The following NKAIN3 variants were observed in gnomAD, a reference collection of about 807,000 sequenced individuals.
NKAIN3 encodes sodium/potassium transporting ATPase interacting 3, also known as sodium/potassium-transporting ATPase subunit beta-1-interacting protein 3.
NKAIN3 carries 25 observed loss-of-function variants against 30.2 expected under a neutral mutation model. The ratio of observed to expected loss-of-function variants is 0.83; its 90% CI spans 0.60 to 1.16. The LOEUF (loss-of-function observed/expected upper bound fraction) is 1.16. Among genes scored for constraint, NKAIN3 ranks in the 50% most tolerant of loss-of-function variants. The pLI is 0.00. For missense variants in NKAIN3, 225 were observed against 254.1 expected, an observed-to-expected ratio of 0.89 and a Z score of 0.78; for synonymous variants, 91 against 89.6, an observed-to-expected ratio of 1.02 and a Z score of -0.09.
At chr8:62,502,092 C>A (rs929832361) in intron 1 of NKAIN3, among the ~76,000 whole-genome samples, 2 of 152,086 alleles carry the variant, frequency 1.3e-5, no homozygotes, top group Non-Finnish European at 2.9e-5. Context: ...ATGACTCATC[C>A]CTTGCACTGT....
chr8:62,792,859 T>C (rs1162574228), intron 4 of NKAIN3, among the ~76,000 whole-genome samples: 1 of 151,956 alleles, frequency 6.6e-6, no homozygotes, highest in African/African-American at 2.4e-5. Context: ...GTGAGTGAAA[T>C]GATTTAGTGT....
chr8:62,356,448 C>T (rs1011669645), intron 1 of NKAIN3, among the ~76,000 whole-genome samples: 2 of 152,094 alleles, frequency 1.3e-5, no homozygotes, highest in African/African-American at 4.8e-5. Flanking sequence ...CCTCCCCTGT[C>T]ATTCTCTATC....
chr8:62,252,030 C>A (rs1812119757), intron 1 of NKAIN3, among the ~76,000 whole-genome samples: 2 of 152,130 alleles, frequency 1.3e-5, no homozygotes, highest in African/African-American at 2.4e-5. Flanking sequence ...TCCTAAAAAT[C>A]TAACAAAACC....
intron 4 of NKAIN3, chr8:62,855,413 T>C: frequency 2.1e-6 from 2 of 942,712 alleles, no homozygotes; most frequent in South Asian, 1.3e-5. Context: ...CTTGCTGATA[T>C]TGGCCTTCAG....
At chr8:62,802,118 G>A (rs549557404) in intron 4 of NKAIN3, among the ~76,000 whole-genome samples, 85 of 152,196 alleles carry the variant, frequency 5.6e-4, no homozygotes, top group Non-Finnish European at 9.1e-4. Flanking sequence ...ATGGAACTAT[G>A]TGAAAAGACC....
chr8:62,739,540 G>T (rs1288980935), intron 3 of NKAIN3, among the ~76,000 whole-genome samples: 2 of 151,966 alleles, frequency 1.3e-5, no homozygotes, highest in African/African-American at 4.8e-5. Flanking sequence ...CAACAAGTTA[G>T]TATGAGTTTA....
intron 5 of NKAIN3, among the ~76,000 whole-genome samples, chr8:62,925,892 G>T (rs1822427158): frequency 6.6e-6 from 1 of 152,094 alleles, no homozygotes; most frequent in Non-Finnish European, 1.5e-5. Context: ...ACTAAAACAG[G>T]CCCTCTACAC....
At chr8:62,659,703 C>T (rs1812879257) in intron 3 of NKAIN3, among the ~76,000 whole-genome samples, 1 of 152,114 alleles carries the variant, frequency 6.6e-6, no homozygotes, top group Non-Finnish European at 1.5e-5. Context: ...CTCTGGCTTG[C>T]TGATATTGTT....
intron 3 of NKAIN3, among the ~76,000 whole-genome samples, chr8:62,682,190 G>A (rs919141734): frequency 6.6e-6 from 1 of 152,104 alleles, no homozygotes; most frequent in Admixed American, 6.5e-5. Context: ...AAAGGGGATC[G>A]TTCCCCCTTG....
chr8:62,564,041 G>A (rs1809668167), intron 1 of NKAIN3, among the ~76,000 whole-genome samples: 1 of 152,160 alleles, frequency 6.6e-6, no homozygotes, highest in Non-Finnish European at 1.5e-5. Flanking sequence ...CTGATGCTGT[G>A]TAAGACCTTC....
chr8:62,720,026 G>C (rs1027089221), intron 3 of NKAIN3, among the ~76,000 whole-genome samples: 2 of 151,950 alleles, frequency 1.3e-5, no homozygotes, highest in Admixed American at 1.3e-4. Context: ...CAAAGTGCTG[G>C]AATTACAGGC....
chr8:62,935,722 C>A (rs1822764176), intron 5 of NKAIN3, among the ~76,000 whole-genome samples: 1 of 151,946 alleles, frequency 6.6e-6, no homozygotes, highest in Non-Finnish European at 1.5e-5. Flanking sequence ...AGTGATAATA[C>A]AAAGTACTGG....
At chr8:62,701,531 G>A (rs900361174) in intron 3 of NKAIN3, among the ~76,000 whole-genome samples, 1 of 152,156 alleles carries the variant, frequency 6.6e-6, no homozygotes, top group Non-Finnish European at 1.5e-5. Context: ...AGTGACTAAC[G>A]ATCCCTCCTG....
intron 3 of NKAIN3, among the ~76,000 whole-genome samples, chr8:62,697,718 C>A (rs1020697760): frequency 1.3e-5 from 2 of 152,076 alleles, no homozygotes; most frequent in Non-Finnish European, 2.9e-5. Context: ...ATATTAGGTT[C>A]TTCATATGTT....
chr8:62,875,411 T>C (rs1187487951), intron 4 of NKAIN3, among the ~76,000 whole-genome samples: 3 of 152,304 alleles, frequency 2.0e-5, no homozygotes, highest in African/African-American at 7.2e-5. Context: ...AAAAGTAATC[T>C]ATAGATTCAA....
intron 4 of NKAIN3, among the ~76,000 whole-genome samples, chr8:62,901,818 T>C (rs1177800245): frequency 2.6e-5 from 4 of 152,180 alleles, no homozygotes; most frequent in Non-Finnish European, 1.5e-5. Flanking sequence ...TCCATATTTC[T>C]ACATGTGGCT....
chr8:62,409,535 T>C (rs1440599512), intron 1 of NKAIN3, among the ~76,000 whole-genome samples: 1 of 152,210 alleles, frequency 6.6e-6, no homozygotes, highest in Non-Finnish European at 1.5e-5. Flanking sequence ...TACTTTTTTA[T>C]TTATTGGAAT....
intron 5 of NKAIN3, among the ~76,000 whole-genome samples, chr8:62,924,914 C>T (rs1473955085): frequency 6.6e-6 from 1 of 152,128 alleles, no homozygotes; most frequent in Non-Finnish European, 1.5e-5. Context: ...TATAAGGGCA[C>T]TAACCCATCC....
chr8:62,885,925 A>G lies in NKAIN3; in HGVS notation c.472-32528A>G, dbSNP rs544884280. Among the ~76,000 whole-genome samples the G allele has an allele frequency of 8.5e-5, 13 of 152,324 alleles. No individual in the cohort carries two copies. The South Asian group carries it at 2.7e-3, about 32-fold the overall frequency. ...CAACATGTAGTTGGGTCTTGTTTTC[A>G]GATCCACTCTGACAACCTCTGTCTT... On this transcript the variant is annotated intron_variant, in intron 4 of 6. Coordinates refer to ENST00000623646, the MANE Select transcript of NKAIN3 (RefSeq NM_001304533.3).
Sources: gnomAD v4.1 joint callset for allele counts (sites outside exome capture counted in the v4.1 genomes callset) on GRCh38, gnomAD v4.1.1 for gene constraint, MANE v1.5 for transcripts, NCBI Gene and HGNC (gene_info 2026-07-23, HGNC 2026-07-21) for gene names.